The following PTPRZ1 variants were observed in gnomAD, a reference collection of about 807,000 sequenced individuals.
PTPRZ1 encodes the protein protein tyrosine phosphatase receptor type Z1.
PTPRZ1 carries 82 observed loss-of-function variants against 214.1 expected under a neutral mutation model. The observed-to-expected ratio is 0.38, with a 90% CI of 0.32 to 0.46. The LOEUF is 0.46. Among genes scored for constraint, PTPRZ1 ranks in the 20% least tolerant of loss-of-function variants. The pLI is 1.00. For synonymous variants in PTPRZ1, 945 were observed against 987.9 expected (o/e 0.96, Z 0.81); for missense variants, 2,603 against 2,748.7 (o/e 0.95, Z 1.19).
chr7:122,019,838 TA>T (rs915046662), intron 13 of PTPRZ1, among the ~76,000 whole-genome samples: 2 of 152,200 alleles, frequency 1.3e-5, no homozygotes, highest in Non-Finnish European at 2.9e-5. Flanking sequence ...TCGCTGTCAA[TA>T]ATCTATTAAG....
At chr7:121,944,713 G>T (rs1240326403) in intron 2 of PTPRZ1, among the ~76,000 whole-genome samples, 2 of 151,926 alleles carry the variant, frequency 1.3e-5, no homozygotes, top group African/African-American at 4.8e-5. Context: ...GGTGATCTCA[G>T]CTCACTGCAA....
At chr7:121,992,007 G>A (rs1320163586) in intron 8 of PTPRZ1, among the ~76,000 whole-genome samples, 1 of 152,180 alleles carries the variant, frequency 6.6e-6, no homozygotes, top group Non-Finnish European at 1.5e-5. Context: ...TAAGGAAGTG[G>A]TGGACTTATT....
chr7:122,059,598 C>G, intron 28 of PTPRZ1, 155 bp from the exon 29 acceptor site: 1 of 796,626 alleles, frequency 1.3e-6, no homozygotes, highest in Non-Finnish European at 1.9e-6. Flanking sequence ...CAGATTAAAT[C>G]ATAGTTCTTT....
chr7:121,936,695 A>G (rs1796095394), intron 2 of PTPRZ1, among the ~76,000 whole-genome samples: 1 of 152,224 alleles, frequency 6.6e-6, no homozygotes, highest in Non-Finnish European at 1.5e-5. Flanking sequence ...AAGCATAAAC[A>G]CTAACCCCAT....
chr7:121,905,730 T>C (rs1035450471), intron 1 of PTPRZ1, among the ~76,000 whole-genome samples: 1 of 150,790 alleles, frequency 6.6e-6, no homozygotes, highest in Non-Finnish European at 1.5e-5. Context: ...GTCTGTGATA[T>C]AAATTCAAAT....
intron 10 of PTPRZ1, among the ~76,000 whole-genome samples, chr7:122,000,418 T>C (rs1056691872): frequency 6.6e-6 from 1 of 151,826 alleles, no homozygotes. Context: ...GTGACTAATA[T>C]AGATGTAAGT....
At chr7:122,036,419 A>C (rs950077092) in intron 17 of PTPRZ1, among the ~76,000 whole-genome samples, 181 bp from the exon 18 acceptor site, 1 of 152,028 alleles carries the variant, frequency 6.6e-6, no homozygotes, top group Non-Finnish European at 1.5e-5. Context: ...GAGGGTGGAG[A>C]TTCTTTTTAT....
chr7:122,039,013 T>A, intron 19 of PTPRZ1, 124 bp downstream of exon 19: 2 of 1,017,480 alleles, frequency 2.0e-6, no homozygotes, highest in Non-Finnish European at 2.9e-6. Flanking sequence ...TCTTTTTTAG[T>A]AAATATGACA....
At chr7:122,044,352 A>G in intron 22 of PTPRZ1, 70 bp from the exon 23 acceptor site, 1 of 1,552,442 alleles carries the variant, frequency 6.4e-7, no homozygotes. Flanking sequence ...AATGGAAGGT[A>G]CTATGTTTGT....
intron 10 of PTPRZ1, among the ~76,000 whole-genome samples, chr7:122,004,334 A>G (rs1400153496): frequency 6.6e-6 from 1 of 152,064 alleles, no homozygotes; most frequent in Non-Finnish European, 1.5e-5. Flanking sequence ...CTTAGCTTCA[A>G]TCAGACTTAG....
At position 121,958,121 on chromosome 7, in the gene PTPRZ1, C is replaced by T. The variant is rs1332571982; in HGVS notation, c.125-9830C>T. Among the ~76,000 whole-genome samples the T allele has an allele frequency of 3.9e-5, 6 of 152,240 alleles. No homozygotes were observed. In the East Asian group the frequency reaches 1.2e-3, roughly 29 times the overall value. On this transcript the variant is annotated intron_variant, in intron 2 of 29. Transcript: ENST00000393386. ...GTGTGCCACCTTATCATCCTTCTTT[C>T]GTTCACAGCAAACTGTTTTTAAAAA...
Position 121,874,150 on chromosome 7 carries a change from C to T in PTPRZ1, c.58+593C>T, listed in dbSNP as rs574238381. On this transcript the variant is annotated intron_variant, in intron 1 of 29. Coordinates refer to ENST00000393386, the MANE Select transcript of PTPRZ1 (RefSeq NM_002851.3). ...TTCAATTTAGTCATATTCAAGTCTGCGCAATTACTTACAAAAAAAAAAGTT... is the reference window on the plus strand; with the variant it reads ...TTCAATTTAGTCATATTCAAGTCTGTGCAATTACTTACAAAAAAAAAAGTT... Among the ~76,000 whole-genome samples, 287 of 127,624 alleles carry T rather than the reference C, an allele frequency of 2.2e-3. 1 individual carries two copies. The highest frequency in any genetic ancestry group is 0.011 in the African/African-American group (271 of 24,690). The allele number at this position is 127,624 out of a possible 152,430, so 83.7% of individuals were successfully genotyped here.
At chr7:121,985,665 C>T (rs1444744833) in intron 8 of PTPRZ1, among the ~76,000 whole-genome samples, 1 of 152,178 alleles carries the variant, frequency 6.6e-6, no homozygotes, top group Non-Finnish European at 1.5e-5. Context: ...GCATTGCATC[C>T]ACTAGGAGGC....
intron 2 of PTPRZ1, 109 bp from the exon 3 acceptor site, chr7:121,967,842 T>G (rs1797089196): frequency 1.3e-6 from 1 of 765,668 alleles, no homozygotes; most frequent in Admixed American, 3.3e-5. Flanking sequence ...ATGTCAAACA[T>G]TTTTCTACTA....
chr7:121,945,531 TC>T lies in PTPRZ1; in HGVS notation c.124+17315del, dbSNP rs760190395. ...TTTTTCATTTCCTCAGACTCAATAT[TC>T]CCCCTTGGCTTAGGAGGATTCACAG... On this transcript the variant is annotated intron_variant, in intron 2 of 29. Coordinates refer to ENST00000393386, the MANE Select transcript of PTPRZ1 (RefSeq NM_002851.3). Among the ~76,000 whole-genome samples, 8 of 152,212 alleles carry T rather than the reference TC, an allele frequency of 5.3e-5. No individual in the cohort carries two copies. The South Asian group carries it at 1.2e-3, about 24-fold the overall frequency.
chr7:121,913,186 G>A (rs1016869481), intron 1 of PTPRZ1, among the ~76,000 whole-genome samples: 16 of 152,222 alleles, frequency 1.1e-4, no homozygotes, highest in African/African-American at 3.4e-4. Flanking sequence ...GCATGAGAAG[G>A]CTTGGGATTG....
At chr7:122,060,627 G>A (rs555763546) in intron 29 of PTPRZ1, among the ~76,000 whole-genome samples, 19 of 152,298 alleles carry the variant, frequency 1.2e-4, no homozygotes, top group African/African-American at 4.6e-4. Context: ...AACAGTGAAG[G>A]ATTGCATTCT....
intron 13 of PTPRZ1, among the ~76,000 whole-genome samples, chr7:122,027,105 A>C (rs917961604): frequency 5.9e-5 from 9 of 152,240 alleles, no homozygotes; most frequent in Admixed American, 2.6e-4. Flanking sequence ...ACTTAGTGAG[A>C]TAGCCTGACA....
At chr7:122,036,744 A>G (rs1159042041) in intron 18 of PTPRZ1, 62 bp downstream of exon 18, 9 of 1,115,308 alleles carry the variant, frequency 8.1e-6, no homozygotes, top group Non-Finnish European at 1.1e-5. Flanking sequence ...TTATACCATA[A>G]TGCCATACAT....
Sources: gnomAD v4.1 joint callset for allele counts (sites outside exome capture counted in the v4.1 genomes callset) on GRCh38, gnomAD v4.1.1 for gene constraint, MANE v1.5 for transcripts, NCBI Gene and HGNC (gene_info 2026-07-23, HGNC 2026-07-21) for gene names.